ATP2B4: variants seen among roughly 807,000 people sequenced by gnomAD.
ATP2B4 encodes the protein ATPase plasma membrane Ca2+ transporting 4.
ATP2B4 carries 39 observed loss-of-function variants against 110.3 expected under a neutral mutation model. The ratio of observed to expected loss-of-function variants is 0.35; its 90% CI spans 0.27 to 0.46. The LOEUF is 0.46. Ranked by LOEUF, ATP2B4 falls within the 20% of genes least tolerant of loss-of-function variation. The probability of loss-of-function intolerance (pLI) is 1.00; values close to 1 mark genes in which losing one functional copy is unlikely to be tolerated. For synonymous variants in ATP2B4, 538 were observed against 571.7 expected (o/e 0.94, Z 0.84); for missense variants, 1,135 against 1,530.9 (o/e 0.74, Z 4.32).
intron 20 of ATP2B4, among the ~76,000 whole-genome samples, chr1:203,738,289 T>C (rs1186549059): frequency 6.6e-6 from 1 of 151,922 alleles, no homozygotes; most frequent in African/African-American, 2.4e-5. Flanking sequence ...CCTCTCCCCC[T>C]ACCCCAATTC....
chr1:203,669,085 G>A (rs932447809), intron 1 of ATP2B4, among the ~76,000 whole-genome samples: 7 of 152,062 alleles, frequency 4.6e-5, no homozygotes, highest in African/African-American at 1.7e-4. Flanking sequence ...ACAAACCTCC[G>A]ACCACCATCC....
chr1:203,669,270 C>G (rs566733818), intron 1 of ATP2B4, among the ~76,000 whole-genome samples: 72 of 152,282 alleles, frequency 4.7e-4, no homozygotes, highest in Non-Finnish European at 4.1e-4. Flanking sequence ...TGACTGTGTC[C>G]TGCAGATCAA....
chr1:203,678,397 T>C (rs1664893094), intron 1 of ATP2B4, among the ~76,000 whole-genome samples: 1 of 147,550 alleles, frequency 6.8e-6, no homozygotes, highest in Non-Finnish European at 1.5e-5. Context: ...AGAGGCTTTT[T>C]TTTTTTTTTT....
chr1:203,657,313 CCT>C, intron 1 of ATP2B4: 1 of 740,658 alleles, frequency 1.4e-6, no homozygotes, highest in Admixed American at 2.0e-5. Flanking sequence ...CTCTTCCATG[CCT>C]TCTTCTTTCT....
At chr1:203,634,725 A>G (rs1212534813) in intron 1 of ATP2B4, among the ~76,000 whole-genome samples, 1 of 151,824 alleles carries the variant, frequency 6.6e-6, no homozygotes. Context: ...GTGCAGTGGC[A>G]CAATCACAAC....
chr1:203,732,629 C>T lies in ATP2B4; in HGVS notation c.3309+5058C>T, dbSNP rs139155240. On this transcript the variant is annotated intron_variant, in intron 20 of 20. Transcript: ENST00000357681. Reference sequence around the variant, plus strand: ...TGGAAAATCCGCAAAAATACGTAGTCGGTTTAATTGATTTAGAGGTTCCTG... The same window carrying T: ...TGGAAAATCCGCAAAAATACGTAGTTGGTTTAATTGATTTAGAGGTTCCTG... Among the ~76,000 whole-genome samples, 385 of 152,154 alleles carry T rather than the reference C, an allele frequency of 2.5e-3. 2 individuals are homozygous for T. In the East Asian group the frequency reaches 0.027, roughly 11 times the overall value.
intron 18 of ATP2B4, 29 bp from the exon 19 acceptor site, chr1:203,723,852 A>G (rs1173519007): frequency 6.4e-7 from 1 of 1,555,558 alleles, no homozygotes; most frequent in Non-Finnish European, 8.7e-7. Context: ...CATTTCCTTG[A>G]TGGTGGGCTG....
At chr1:203,693,725 A>G (rs1289732687) in intron 2 of ATP2B4, among the ~76,000 whole-genome samples, 1 of 152,170 alleles carries the variant, frequency 6.6e-6, no homozygotes, top group Non-Finnish European at 1.5e-5. Context: ...GACAGTGGGA[A>G]CAGCGCTGGC....
chr1:203,697,675 A>G (rs1665573101), intron 2 of ATP2B4, among the ~76,000 whole-genome samples: 1 of 152,186 alleles, frequency 6.6e-6, no homozygotes, highest in African/African-American at 2.4e-5. Context: ...CTCATACTTG[A>G]GCAAATCAGG....
intron 1 of ATP2B4, among the ~76,000 whole-genome samples, chr1:203,638,065 A>T (rs1196250639): frequency 6.6e-6 from 1 of 152,056 alleles, no homozygotes; most frequent in Admixed American, 6.6e-5. Flanking sequence ...GAAATTATTC[A>T]TGGAGGAGGT....
At chr1:203,671,939 A>C (rs1316655430) in intron 1 of ATP2B4, among the ~76,000 whole-genome samples, 1 of 151,732 alleles carries the variant, frequency 6.6e-6, no homozygotes, top group East Asian at 1.9e-4. Flanking sequence ...CACAGAGGGG[A>C]TGGGGGCTTC....
intron 12 of ATP2B4, 39 bp from the exon 13 acceptor site, chr1:203,711,921 C>A: frequency 6.2e-7 from 1 of 1,600,566 alleles, no homozygotes; most frequent in South Asian, 1.1e-5. Context: ...AGGGTCATCA[C>A]CCTCATCTGC....
intron 1 of ATP2B4, among the ~76,000 whole-genome samples, chr1:203,644,503 T>G (rs551905426): frequency 2.0e-5 from 3 of 152,332 alleles, no homozygotes; most frequent in South Asian, 4.1e-4. Flanking sequence ...TAAGTTGTTC[T>G]GTCACTTTTG....
intron 1 of ATP2B4, among the ~76,000 whole-genome samples, chr1:203,669,633 C>T (rs923876606): frequency 2.6e-5 from 4 of 152,086 alleles, no homozygotes; most frequent in Non-Finnish European, 4.4e-5. Context: ...GACGGAGTTT[C>T]TCCATATTGG....
Position 203,710,987 on chromosome 1 carries a change from C to G in ATP2B4, c.1910C>G (p.Thr637Ser). ...CCCATGGCCTGTGATGGACTCCGGA[C>G]TATCTGCATAGCTTACCGGGACTTC... ...IEPMACDGLR[T>S]ICIAYRDFDD... Residue 637 changes from threonine (T) to serine (S), a missense_variant, in exon 12 of 21, where the codon ACT becomes AGT. Thr to Ser is a moderately conservative substitution (Grantham distance 58, BLOSUM62 1). Transcript: ENST00000357681. 6.2e-7 allele frequency: 1 copy of G among 1,614,086 alleles called. No individual in the cohort carries two copies. Among genetic ancestry groups the G allele is most frequent in the Non-Finnish European group, 8.5e-7 (1 of 1,180,004 alleles).
chr1:203,651,785 C>A (rs1420730366), intron 1 of ATP2B4, among the ~76,000 whole-genome samples: 3 of 151,572 alleles, frequency 2.0e-5, no homozygotes, highest in Non-Finnish European at 4.4e-5. Context: ...CGGCTAGGCA[C>A]GGTGGCTCAT....
chr1:203,710,844 G>T, intron 11 of ATP2B4, 33 bp from the exon 12 acceptor site: 1 of 1,504,914 alleles, frequency 6.6e-7, no homozygotes, highest in South Asian at 1.2e-5. Context: ...AGTGGGAAGG[G>T]AGACACCGCG....
chr1:203,681,381 T>G (rs1665004922), intron 1 of ATP2B4, among the ~76,000 whole-genome samples: 1 of 152,222 alleles, frequency 6.6e-6, no homozygotes, highest in Non-Finnish European at 1.5e-5. Context: ...GTTCTTGTGC[T>G]TCTTTGTTCA....
At position 203,645,168 on chromosome 1, in the gene ATP2B4, G is replaced by A. The variant is rs145069714; in HGVS notation, c.-465+17949G>A. On this transcript the variant is annotated intron_variant, in intron 1 of 20. Transcript: ENST00000357681. Reference sequence around the variant, plus strand: ...TCTCCTGCACCTAGTGCTATAAACAGTTGTGTTTCAGAGCTCCCCAGGCTG... The same window carrying A: ...TCTCCTGCACCTAGTGCTATAAACAATTGTGTTTCAGAGCTCCCCAGGCTG... 6.4e-4 allele frequency among the ~76,000 whole-genome samples: 98 copies of A among 152,324 alleles called. 2 individuals carry two copies. The East Asian group carries it at 7.9e-3, about 12-fold the overall frequency.
Sources: gnomAD v4.1 joint callset for allele counts (sites outside exome capture counted in the v4.1 genomes callset) on GRCh38, gnomAD v4.1.1 for gene constraint, MANE v1.5 for transcripts, NCBI Gene and HGNC (gene_info 2026-07-23, HGNC 2026-07-21) for gene names.